The following MACROD2 variants were observed in gnomAD, a reference collection of about 807,000 sequenced individuals.
MACROD2 encodes ADP-ribose glycohydrolase MACROD2.
MACROD2 carries 36 observed loss-of-function variants against 70.4 expected under a neutral mutation model. The ratio of observed to expected loss-of-function variants is 0.51; its 90% CI spans 0.39 to 0.68. The LOEUF is 0.68. Among genes scored for constraint, MACROD2 ranks in the 30% least tolerant of loss-of-function variants. The probability of loss-of-function intolerance (pLI) is 0.00; values close to 1 mark genes in which losing one functional copy is unlikely to be tolerated. For missense variants in MACROD2, 496 were observed against 538.4 expected (o/e 0.92, Z 0.78); for synonymous variants, 172 against 178.8 (o/e 0.96, Z 0.30).
chr20:14,796,649 A>C (rs2072512950), intron 5 of MACROD2, among the ~76,000 whole-genome samples: 1 of 152,062 alleles, frequency 6.6e-6, no homozygotes, highest in Admixed American at 6.6e-5. Flanking sequence ...GATGGCAAAA[A>C]GCATTACTTG....
intron 3 of MACROD2, among the ~76,000 whole-genome samples, chr20:14,143,580 A>AG (rs2054905107): frequency 6.6e-6 from 1 of 152,050 alleles, no homozygotes; most frequent in Non-Finnish European, 1.5e-5. Context: ...CCTGTGCAAG[A>AG]AGGTTTAGTG....
chr20:15,021,227 C>CACACACCTGTGTGTAT, intron 5 of MACROD2, among the ~76,000 whole-genome samples: 1 of 9,594 alleles, frequency 1.0e-4, no homozygotes, highest in Admixed American at 8.7e-4. Context: ...TACAGGTGTG[C>CACACACCTGTGTGTAT]GTATACACAC....
At chr20:15,603,691 A>G (rs186484261) in intron 8 of MACROD2, among the ~76,000 whole-genome samples, 17 of 152,062 alleles carry the variant, frequency 1.1e-4, no homozygotes, top group African/African-American at 4.1e-4. Flanking sequence ...TTTTTCCAGT[A>G]TTGCAGGAAA....
At chr20:15,382,224 G>C (rs2045654239) in intron 6 of MACROD2, among the ~76,000 whole-genome samples, 1 of 152,086 alleles carries the variant, frequency 6.6e-6, no homozygotes. Flanking sequence ...TCATTCCCTA[G>C]CAGCTGCTTT....
chr20:15,346,617 T>A (rs2078169205), intron 6 of MACROD2, among the ~76,000 whole-genome samples: 1 of 151,916 alleles, frequency 6.6e-6, no homozygotes, highest in Non-Finnish European at 1.5e-5. Flanking sequence ...AAGGAGGAGG[T>A]CACAATGTGT....
chr20:15,724,046 T>A (rs1051578000), intron 8 of MACROD2, among the ~76,000 whole-genome samples: 1 of 152,210 alleles, frequency 6.6e-6, no homozygotes, highest in African/African-American at 2.4e-5. Flanking sequence ...TGTAGTACAT[T>A]TTTCTCATAT....
At chr20:14,441,042 G>T (rs1465421280) in intron 3 of MACROD2, among the ~76,000 whole-genome samples, 1 of 152,114 alleles carries the variant, frequency 6.6e-6, no homozygotes, top group African/African-American at 2.4e-5. Context: ...TTGTGATTAC[G>T]GGAAATTCTG....
chr20:14,125,026 T>G (rs1159991845), intron 3 of MACROD2, among the ~76,000 whole-genome samples: 2 of 152,170 alleles, frequency 1.3e-5, no homozygotes, highest in Non-Finnish European at 2.9e-5. Flanking sequence ...TCAAAAACAT[T>G]GTTCTGAGTG....
At chr20:15,222,368 A>G (rs2076869811) in intron 5 of MACROD2, among the ~76,000 whole-genome samples, 1 of 152,238 alleles carries the variant, frequency 6.6e-6, no homozygotes, top group South Asian at 2.1e-4. Context: ...CTATGTGGAA[A>G]GAAGAGGCAG....
chr20:14,093,304 C>G (rs568930640), intron 3 of MACROD2, among the ~76,000 whole-genome samples: 1 of 151,210 alleles, frequency 6.6e-6, no homozygotes, highest in Admixed American at 6.6e-5. Flanking sequence ...CTAGGGTGGT[C>G]TTGAACTCCT....
rs1349613888 is a variant in MACROD2, at chr20:14,941,109, T to C, written c.418+256150T>C. The stretch of plus-strand genomic sequence containing the variant: ...TTGAGGTTTTTTATTTCTTCATAGT[T>C]CAATTTTAGTAGATTGTATGTGTCT... On this transcript the variant is annotated intron_variant, in intron 5 of 17. Coordinates refer to ENST00000684519, the MANE Select transcript of MACROD2 (RefSeq NM_001351661.2). Among the ~76,000 whole-genome samples the C allele has an allele frequency of 4.6e-5, 7 of 152,278 alleles. No homozygotes were observed. The East Asian group carries it at 1.4e-3, about 29-fold the overall frequency.
chr20:14,323,330 A>G (rs1356501694), intron 3 of MACROD2: 1 of 152,122 alleles, frequency 6.6e-6, no homozygotes, highest in African/African-American at 2.4e-5. Context: ...ATTATAAAGG[A>G]TGTTACAAAG....
At chr20:14,626,197 A>G (rs1436195150) in intron 4 of MACROD2, among the ~76,000 whole-genome samples, 1 of 152,094 alleles carries the variant, frequency 6.6e-6, no homozygotes, top group African/African-American at 2.4e-5. Context: ...CAGCAAGGGT[A>G]GTTGTGGGGG....
At chr20:15,022,211 A>C (rs1409207493) in intron 5 of MACROD2, among the ~76,000 whole-genome samples, 1 of 152,176 alleles carries the variant, frequency 6.6e-6, no homozygotes, top group Non-Finnish European at 1.5e-5. Context: ...GCTGTATACA[A>C]CATTGGTTGT....
At chr20:15,356,992 C>A (rs2078294942) in intron 6 of MACROD2, among the ~76,000 whole-genome samples, 1 of 152,018 alleles carries the variant, frequency 6.6e-6, no homozygotes, top group Admixed American at 6.5e-5. Flanking sequence ...AAAAGGATAA[C>A]TTGGAAAATC....
chr20:15,186,139 T>C (rs544309226), intron 5 of MACROD2, among the ~76,000 whole-genome samples: 2 of 152,262 alleles, frequency 1.3e-5, no homozygotes, highest in East Asian at 1.9e-4. Flanking sequence ...CGCCCTGAAC[T>C]TTGTCTATTT....
At chr20:15,777,124 AGTTACTTGT>A (rs2051734536) in intron 8 of MACROD2, among the ~76,000 whole-genome samples, 1 of 152,166 alleles carries the variant, frequency 6.6e-6, no homozygotes, top group African/African-American at 2.4e-5. Flanking sequence ...TTGCTGGTGC[AGTTACTTGT>A]GGAGGTTATA....
chr20:14,346,093 CAAAAAAAAAAAAAA>C (rs71190130), intron 3 of MACROD2, among the ~76,000 whole-genome samples: 9 of 41,172 alleles, frequency 2.2e-4, no homozygotes, highest in East Asian at 1.0e-3. Flanking sequence ...GATTCTGCCT[CAAAAAAAAAAAAAA>C]AAAAAAAAAA....
intron 3 of MACROD2, among the ~76,000 whole-genome samples, chr20:14,450,475 C>T (rs979202519): frequency 1.3e-5 from 2 of 152,094 alleles, no homozygotes; most frequent in Non-Finnish European, 2.9e-5. Context: ...CTATGCACAA[C>T]AGGCTTCTAG....
Sources: gnomAD v4.1 joint callset for allele counts (sites outside exome capture counted in the v4.1 genomes callset) on GRCh38, gnomAD v4.1.1 for gene constraint, MANE v1.5 for transcripts, NCBI Gene and HGNC (gene_info 2026-07-23, HGNC 2026-07-21) for gene names.